Variants in AOX1 observed in about 807,000 individuals in gnomAD.
AOX1 encodes aldehyde oxidase.
In AOX1, 153 loss-of-function variants were observed where a neutral mutation model predicts 169.5. The ratio of observed to expected loss-of-function variants is 0.90; its 90% CI spans 0.79 to 1.03. The LOEUF is 1.03. AOX1 is among the 50% of genes least tolerant of loss of function. The probability of loss-of-function intolerance (pLI) is 0.00; values close to 1 mark genes in which losing one functional copy is unlikely to be tolerated. For synonymous variants in AOX1, 562 were observed against 581.9 expected (o/e 0.97, Z 0.49); for missense variants, 1,656 against 1,663.9 (o/e 1.00, Z 0.08).
chr2:200,608,937 G>A, intron 10 of AOX1, 47 bp from the exon 11 acceptor site: 3 of 1,568,126 alleles, frequency 1.9e-6, no homozygotes, highest in Non-Finnish European at 2.6e-6. Context: ...GACATTTTCA[G>A]ATCAGCAGTG....
At chr2:200,642,918 G>A in intron 25 of AOX1, 117 bp downstream of exon 25, 2 of 1,004,578 alleles carry the variant, frequency 2.0e-6, no homozygotes, top group South Asian at 1.7e-5. Flanking sequence ...TTTGTGCCAA[G>A]TCCCCCAGCT....
chr2:200,593,145 G>A lies in AOX1; in HGVS notation c.46-1G>A. 1 of 1,612,244 alleles carries A rather than the reference G, an allele frequency of 6.2e-7. No homozygotes were observed. Among genetic ancestry groups the A allele is most frequent in the Non-Finnish European group, 8.5e-7 (1 of 1,178,596 alleles). On this transcript the variant is annotated splice_acceptor_variant, in intron 1 of 34. Transcript: ENST00000374700. LOFTEE classifies it high-confidence loss of function. ...TAACTCTTATTTTCCCTTTGGTATAGGTGATAGAAAAAAATGTCGATCCTG... is the reference window on the plus strand; with the variant it reads ...TAACTCTTATTTTCCCTTTGGTATAAGTGATAGAAAAAAATGTCGATCCTG...
At chr2:200,656,429 T>C (rs1242529712) in intron 26 of AOX1, among the ~76,000 whole-genome samples, 3 of 152,222 alleles carry the variant, frequency 2.0e-5, no homozygotes, top group Non-Finnish European at 4.4e-5. Context: ...ATAAGATTAC[T>C]TCCAAGTTCT....
intron 26 of AOX1, 32 bp downstream of exon 26, chr2:200,651,233 C>G: frequency 6.3e-7 from 1 of 1,590,818 alleles, no homozygotes; most frequent in South Asian, 1.1e-5. Flanking sequence ...GAGGATGCTG[C>G]CTGGAAGCAG....
chr2:200,591,176 C>T (rs529495214), intron 1 of AOX1, among the ~76,000 whole-genome samples: 28 of 152,284 alleles, frequency 1.8e-4, no homozygotes, highest in African/African-American at 6.3e-4. Context: ...ATTTCCCCAC[C>T]ACCAAGCTCA....
At chr2:200,589,557 A>G (rs1479442002) in intron 1 of AOX1, among the ~76,000 whole-genome samples, 1 of 152,222 alleles carries the variant, frequency 6.6e-6, no homozygotes, top group Non-Finnish European at 1.5e-5. Context: ...AATGGAGCTA[A>G]TAACAGAACC....
At chr2:200,604,894 A>G in intron 9 of AOX1, 54 bp downstream of exon 9, 23 of 622,804 alleles carry the variant, frequency 3.7e-5, no homozygotes, top group East Asian at 1.3e-4. Context: ...AGGGCTTGGG[A>G]TGGGGCCGGG....
intron 18 of AOX1, among the ~76,000 whole-genome samples, chr2:200,623,527 G>T (rs1172275824): frequency 1.3e-5 from 2 of 152,236 alleles, no homozygotes; most frequent in Non-Finnish European, 2.9e-5. Flanking sequence ...TCTCAGAACA[G>T]CTCTGATTGT....
intron 27 of AOX1, among the ~76,000 whole-genome samples, chr2:200,657,192 T>TATATATATA (rs1559258569): frequency 1.4e-5 from 1 of 68,978 alleles, no homozygotes; most frequent in Non-Finnish European, 3.0e-5. Flanking sequence ...ATATATATAT[T>TATATATATA]TTTTTTTTTT....
At chr2:200,673,695 C>T (rs1343307277), downstream of AOX1, among the ~76,000 whole-genome samples, 2 of 152,208 alleles carry the variant, frequency 1.3e-5, no homozygotes, top group African/African-American at 4.8e-5. Flanking sequence ...ACACTCTTGC[C>T]TAAAACCCTT....
At chr2:200,604,993 A>G (rs987170671) in intron 9 of AOX1, among the ~76,000 whole-genome samples, 153 bp downstream of exon 9, 1 of 152,214 alleles carries the variant, frequency 6.6e-6, no homozygotes, top group African/African-American at 2.4e-5. Context: ...CTTCCTGAGC[A>G]TTGCTCAAGA....
At position 200,666,782 on chromosome 2, in the gene AOX1, A is replaced by G. The variant is rs747626544; in HGVS notation, c.3609+30A>G. On this transcript the variant is annotated intron_variant, in intron 32 of 34. Coordinates refer to ENST00000374700, the MANE Select transcript of AOX1 (RefSeq NM_001159.4). ...GTGTAACTGATGTGTCTCACTTTCT[A>G]TTTGTAAAAGCCAAAAGTGCGGTGG... The G allele has an allele frequency of 1.2e-5, 19 of 1,578,294 alleles. No homozygotes were observed. In the Middle Eastern group the frequency reaches 5.0e-4, roughly 42 times the overall value.
chr2:200,659,160 T>A lies in AOX1; in HGVS notation c.3172-5T>A. The A allele has an allele frequency of 1.2e-6, 2 of 1,613,436 alleles. No homozygotes were observed. The highest frequency in any genetic ancestry group is 1.7e-6 in the Non-Finnish European group (2 of 1,179,640). On this transcript the variant is annotated splice_region_variant and splice_polypyrimidine_tract_variant and intron_variant, in intron 27 of 34. Coordinates refer to ENST00000374700, the MANE Select transcript of AOX1 (RefSeq NM_001159.4). ...TTTAAAAGGAAACTCTCTCTTAAAA[T>A]TCAGGTGGTCAGCCGTGAATTAAGA...
At chr2:200,669,501 A>G (rs1183959394) in intron 33 of AOX1, 74 bp from the exon 34 acceptor site, 6 of 1,495,612 alleles carry the variant, frequency 4.0e-6, no homozygotes, top group East Asian at 2.3e-5. Context: ...ATATATGCAC[A>G]TATGCTATAA....
At chr2:200,625,558 A>G (rs1222464968) in intron 19 of AOX1, among the ~76,000 whole-genome samples, 6 of 152,234 alleles carry the variant, frequency 3.9e-5, no homozygotes, top group Non-Finnish European at 5.9e-5. Flanking sequence ...CTCAAAGTCT[A>G]AAGATCATCA....
At chr2:200,592,999 T>C (rs2034206625) in intron 1 of AOX1, 147 bp from the exon 2 acceptor site, 1 of 644,942 alleles carries the variant, frequency 1.6e-6, no homozygotes, top group Admixed American at 2.4e-5. Flanking sequence ...GGTTTGCATA[T>C]CACAGCTGTT....
chr2:200,596,514 C>T (rs756416776), intron 3 of AOX1, among the ~76,000 whole-genome samples: 14 of 152,196 alleles, frequency 9.2e-5, no homozygotes, highest in African/African-American at 1.7e-4. Flanking sequence ...GAACTACCCC[C>T]GGCACTCAGT....
At chr2:200,617,179 T>G (rs923506809) in intron 16 of AOX1, among the ~76,000 whole-genome samples, 2 of 152,182 alleles carry the variant, frequency 1.3e-5, no homozygotes, top group African/African-American at 4.8e-5. Context: ...TATCATTGAT[T>G]GCAAAACAAA....
chr2:200,668,559 T>C, intron 32 of AOX1, 56 bp from the exon 33 acceptor site: 2 of 1,457,302 alleles, frequency 1.4e-6, no homozygotes, highest in Non-Finnish European at 1.9e-6. Flanking sequence ...GAAATGCTAC[T>C]TAGTGTTGAC....
Sources: gnomAD v4.1 joint callset for allele counts (sites outside exome capture counted in the v4.1 genomes callset) on GRCh38, gnomAD v4.1.1 for gene constraint, MANE v1.5 for transcripts, NCBI Gene and HGNC (gene_info 2026-07-23, HGNC 2026-07-21) for gene names.